The following DCLK1 variants were observed in gnomAD, a reference collection of about 807,000 sequenced individuals.
The protein encoded by DCLK1 is serine/threonine-protein kinase DCLK1.
A neutral mutation model predicts 86.2 loss-of-function variants in DCLK1; 16 were observed. That is an observed-to-expected ratio of 0.19 (90% CI 0.13 to 0.28). DCLK1 has a LOEUF of 0.28. DCLK1 is among the 10% of genes least tolerant of loss of function. DCLK1 has a pLI of 1.00. For synonymous variants in DCLK1, 369 were observed against 370.5 expected (o/e 1.00, Z 0.05); for missense variants, 590 against 940.2 (o/e 0.63, Z 4.87).
intron 2 of DCLK1, among the ~76,000 whole-genome samples, chr13:36,123,709 C>T (rs144594853): frequency 6.6e-6 from 1 of 152,272 alleles, no homozygotes; most frequent in East Asian, 1.9e-4. Context: ...TTCCCACCTC[C>T]TAGGATCATT....
At chr13:35,806,144 T>TA (rs1336613211) in intron 14 of DCLK1, among the ~76,000 whole-genome samples, 3 of 152,062 alleles carry the variant, frequency 2.0e-5, no homozygotes, top group Admixed American at 6.6e-5. Flanking sequence ...AAGTCACATT[T>TA]AAAAAAACAC....
chr13:35,795,081 G>A (rs1472815421), intron 15 of DCLK1, among the ~76,000 whole-genome samples: 1 of 152,230 alleles, frequency 6.6e-6, no homozygotes, highest in African/African-American at 2.4e-5. Context: ...GGATGGCTCA[G>A]CTAGATTCAC....
intron 3 of DCLK1, among the ~76,000 whole-genome samples, chr13:35,968,534 A>G (rs1041612744): frequency 6.6e-6 from 1 of 152,196 alleles, no homozygotes; most frequent in African/African-American, 2.4e-5. Flanking sequence ...AGTCTACGGC[A>G]GAAAGTCAAA....
intron 4 of DCLK1, among the ~76,000 whole-genome samples, chr13:35,924,270 G>C (rs1875972040): frequency 6.6e-6 from 1 of 151,674 alleles, no homozygotes; most frequent in Admixed American, 6.6e-5. Context: ...TTTTTAAATG[G>C]CTGTCTCAGA....
chr13:36,096,527 T>A (rs958978875), intron 3 of DCLK1, among the ~76,000 whole-genome samples: 1 of 152,130 alleles, frequency 6.6e-6, no homozygotes, highest in African/African-American at 2.4e-5. Flanking sequence ...AAGAAATAGG[T>A]AATCTTTTAA....
chr13:35,876,085 T>A (rs1453489427), intron 4 of DCLK1, among the ~76,000 whole-genome samples: 1 of 152,206 alleles, frequency 6.6e-6, no homozygotes, highest in Non-Finnish European at 1.5e-5. Flanking sequence ...TGCAAGCAAC[T>A]GTTCTCATAT....
intron 5 of DCLK1, among the ~76,000 whole-genome samples, chr13:35,870,640 T>G (rs992931357): frequency 2.6e-5 from 4 of 152,186 alleles, no homozygotes; most frequent in African/African-American, 9.7e-5. Flanking sequence ...TGACTTCATG[T>G]CAGTTTTAAG....
At chr13:35,797,544 T>C (rs1384397223) in intron 15 of DCLK1, among the ~76,000 whole-genome samples, 4 of 152,170 alleles carry the variant, frequency 2.6e-5, no homozygotes, top group Non-Finnish European at 4.4e-5. Flanking sequence ...ATTGAAGCAA[T>C]GCAAGTAGCG....
intron 5 of DCLK1, 122 bp from the exon 6 acceptor site, chr13:35,854,715 C>G: frequency 1.4e-6 from 1 of 714,382 alleles, no homozygotes. Context: ...TCTAGACACC[C>G]TTCCATATGT....
intron 4 of DCLK1, among the ~76,000 whole-genome samples, chr13:35,908,961 C>T (rs1170498063): frequency 6.6e-6 from 1 of 152,096 alleles, no homozygotes; most frequent in Non-Finnish European, 1.5e-5. Flanking sequence ...GAACAAGAAA[C>T]CAAAAAGCTT....
chr13:35,909,797 T>C (rs558187459), intron 4 of DCLK1, among the ~76,000 whole-genome samples: 2 of 152,174 alleles, frequency 1.3e-5, no homozygotes, highest in East Asian at 3.9e-4. Flanking sequence ...TCCTTTTTAC[T>C]AGAAAGGGTG....
Position 35,797,248 on chromosome 13 carries a change from G to T in DCLK1, c.1945-3769C>A, listed in dbSNP as rs146168828. Reference sequence around the variant, plus strand: ...AGCCCCTAATTAACTTACTGAGAAAGATTCAGCTCTTGCTGAATAACCCCA... The same window carrying T: ...AGCCCCTAATTAACTTACTGAGAAATATTCAGCTCTTGCTGAATAACCCCA... On this transcript the variant is annotated intron_variant, in intron 15 of 16. Transcript: ENST00000360631. 5.9e-5 allele frequency among the ~76,000 whole-genome samples: 9 copies of T among 152,306 alleles called. No homozygotes were observed. In the East Asian group the frequency reaches 1.7e-3, roughly 29 times the overall value.
At chr13:35,981,227 GT>G (rs148132582) in intron 3 of DCLK1, among the ~76,000 whole-genome samples, 43 of 146,266 alleles carry the variant, frequency 2.9e-4, no homozygotes, top group African/African-American at 5.7e-4. Context: ...AAAGTGTTTT[GT>G]TTTTTTTTTG....
chr13:36,063,221 T>C (rs746303871), intron 3 of DCLK1, among the ~76,000 whole-genome samples: 66 of 152,170 alleles, frequency 4.3e-4, no homozygotes, highest in Non-Finnish European at 8.2e-4. Flanking sequence ...CAAAGTGCCT[T>C]TGGGTTTGCC....
At chr13:35,833,731 G>T (rs1869144746) in intron 8 of DCLK1, among the ~76,000 whole-genome samples, 1 of 152,164 alleles carries the variant, frequency 6.6e-6, no homozygotes. Flanking sequence ...CAAGCAATGT[G>T]TGCCATTCAC....
chr13:35,901,363 G>T (rs920247286), intron 4 of DCLK1, among the ~76,000 whole-genome samples: 83 of 151,884 alleles, frequency 5.5e-4, no homozygotes, highest in African/African-American at 1.9e-3. Context: ...GGTGGCAGGT[G>T]CCTGTAGTCC....
chr13:35,939,822 C>A lies in DCLK1; in HGVS notation c.823+7536G>T, dbSNP rs563830434. On this transcript the variant is annotated intron_variant, in intron 4 of 16. Coordinates refer to ENST00000360631, the MANE Select transcript of DCLK1 (RefSeq NM_001330071.2). ...AATCTGCCCACAGATGCAATGTAAACAGGCCTTATAATCCAATTAAAATTT... is the reference window on the plus strand; with the variant it reads ...AATCTGCCCACAGATGCAATGTAAAAAGGCCTTATAATCCAATTAAAATTT... 3.3e-5 allele frequency among the ~76,000 whole-genome samples: 5 copies of A among 152,328 alleles called. No individual in the cohort carries two copies. The East Asian group carries it at 9.6e-4, about 29-fold the overall frequency.
chr13:35,969,253 C>T (rs1878947517), intron 3 of DCLK1, among the ~76,000 whole-genome samples: 2 of 152,124 alleles, frequency 1.3e-5, no homozygotes, highest in Admixed American at 1.3e-4. Flanking sequence ...CCAGTACCTG[C>T]AGATGTGACC....
chr13:35,962,110 GTTATC>G (rs1423117426), intron 3 of DCLK1, among the ~76,000 whole-genome samples: 9 of 152,170 alleles, frequency 5.9e-5, no homozygotes, highest in Non-Finnish European at 1.2e-4. Context: ...GAACAAAATA[GTTATC>G]TTATTTTTTG....
Sources: gnomAD v4.1 joint callset for allele counts (sites outside exome capture counted in the v4.1 genomes callset) on GRCh38, gnomAD v4.1.1 for gene constraint, MANE v1.5 for transcripts, NCBI Gene and HGNC (gene_info 2026-07-23, HGNC 2026-07-21) for gene names.